APBA1: variants seen among roughly 807,000 people sequenced by gnomAD.
The protein encoded by APBA1 is amyloid beta precursor protein binding family A member 1.
A neutral mutation model predicts 86.6 loss-of-function variants in APBA1; 55 were observed. The observed-to-expected ratio is 0.64, with a 90% CI of 0.51 to 0.80. APBA1 has a LOEUF of 0.80. APBA1 is among the 30% of genes least tolerant of loss of function. APBA1 has a pLI of 0.00. For synonymous variants in APBA1, 511 were observed against 493.9 expected (o/e 1.03, Z -0.46); for missense variants, 1,090 against 1,183.0 (o/e 0.92, Z 1.15).
chr9:69,505,410 A>T (rs188908266), intron 2 of APBA1, among the ~76,000 whole-genome samples: 55 of 152,224 alleles, frequency 3.6e-4, no homozygotes, highest in Non-Finnish European at 6.6e-4. Flanking sequence ...TGAAAAAATA[A>T]GAGAACTGGA....
chr9:69,512,811 C>G (rs1012452882), intron 2 of APBA1, among the ~76,000 whole-genome samples: 1 of 152,070 alleles, frequency 6.6e-6, no homozygotes, highest in Non-Finnish European at 1.5e-5. Flanking sequence ...GGTTTGGAAA[C>G]GAAGGGCAGT....
chr9:69,506,173 G>A (rs1267117284), intron 2 of APBA1, among the ~76,000 whole-genome samples: 1 of 151,916 alleles, frequency 6.6e-6, no homozygotes, highest in East Asian at 1.9e-4. Flanking sequence ...CATCTCACTA[G>A]GGAGTGCCAG....
At chr9:69,440,667 C>T (rs546562595) in intron 11 of APBA1, among the ~76,000 whole-genome samples, 15 of 152,132 alleles carry the variant, frequency 9.9e-5, no homozygotes, top group Non-Finnish European at 1.9e-4. Context: ...CCCGATTTTC[C>T]AGGTGCTGTC....
At chr9:69,539,708 C>G (rs1003849134) in intron 1 of APBA1, among the ~76,000 whole-genome samples, 2 of 152,214 alleles carry the variant, frequency 1.3e-5, no homozygotes, top group Non-Finnish European at 2.9e-5. Flanking sequence ...AGCCTCCTTG[C>G]TACTCCATGA....
intron 4 of APBA1, among the ~76,000 whole-genome samples, chr9:69,468,585 G>C (rs1242472629): frequency 2.0e-5 from 3 of 152,236 alleles, no homozygotes; most frequent in Non-Finnish European, 4.4e-5. Context: ...CAAAGCCACA[G>C]TCCCATGCTG....
intron 1 of APBA1, among the ~76,000 whole-genome samples, chr9:69,646,469 A>G (rs1365792136): frequency 6.6e-6 from 1 of 152,036 alleles, no homozygotes; most frequent in African/African-American, 2.4e-5. Flanking sequence ...CTCAGAAGGG[A>G]TTTGCAGAGA....
intron 2 of APBA1, among the ~76,000 whole-genome samples, chr9:69,491,713 A>G (rs10867647): frequency 0.16 from 24,060 of 151,602 alleles, 2,685 homozygotes; most frequent in African/African-American, 0.29. Context: ...AGTATAGTGC[A>G]ATTCCAGGGA....
intron 1 of APBA1, among the ~76,000 whole-genome samples, chr9:69,657,195 A>G (rs1823630577): frequency 6.6e-6 from 1 of 152,268 alleles, no homozygotes; most frequent in South Asian, 2.1e-4. Context: ...CATGGGGAAG[A>G]GAAGACAAGT....
chr9:69,591,938 G>A (rs1160310087), intron 1 of APBA1, among the ~76,000 whole-genome samples: 1 of 152,134 alleles, frequency 6.6e-6, no homozygotes, highest in South Asian at 2.1e-4. Context: ...GGGAAAAAAA[G>A]TCTGTTTTCT....
chr9:69,543,375 G>A (rs902785493), intron 1 of APBA1, among the ~76,000 whole-genome samples: 6 of 151,856 alleles, frequency 4.0e-5, no homozygotes, highest in Admixed American at 2.0e-4. Context: ...AAGGAAACCT[G>A]GAAACCATTA....
chr9:69,574,596 G>C (rs1821741467), intron 1 of APBA1, among the ~76,000 whole-genome samples: 3 of 152,014 alleles, frequency 2.0e-5, no homozygotes, highest in African/African-American at 7.3e-5. Context: ...ACAGCATAAG[G>C]GTCCTCCTAA....
At chr9:69,646,236 G>A (rs1042636388) in intron 1 of APBA1, among the ~76,000 whole-genome samples, 6 of 152,134 alleles carry the variant, frequency 3.9e-5, no homozygotes, top group African/African-American at 1.4e-4. Context: ...AATGTTAACA[G>A]CCATTATCTT....
chr9:69,537,206 CTT>C (rs1243061543), intron 1 of APBA1, among the ~76,000 whole-genome samples: 1 of 151,918 alleles, frequency 6.6e-6, no homozygotes, highest in Non-Finnish European at 1.5e-5. Context: ...ACATTCCTCT[CTT>C]TCTTTCCCAA....
At chr9:69,672,938 C>T (rs1421415235), upstream of APBA1, 3 of 152,266 alleles carry the variant, frequency 2.0e-5, no homozygotes, top group Admixed American at 1.3e-4. Context: ...CGGAGTGACT[C>T]CCGAGCTTTC....
chr9:69,651,672 C>T (rs1031441358), intron 1 of APBA1, among the ~76,000 whole-genome samples: 3 of 152,156 alleles, frequency 2.0e-5, no homozygotes, highest in Admixed American at 6.5e-5. Context: ...GACGGGGTTT[C>T]GCCATGTTGG....
chr9:69,448,941 A>G (rs1469585054), intron 10 of APBA1, among the ~76,000 whole-genome samples: 1 of 152,200 alleles, frequency 6.6e-6, no homozygotes, highest in Non-Finnish European at 1.5e-5. Flanking sequence ...CTTCTCAAGT[A>G]TTCACATTTA....
intron 5 of APBA1, chr9:69,460,718 ATGAAAGGTATTC>A (rs1240038911): frequency 1.3e-5 from 2 of 150,904 alleles, no homozygotes; most frequent in African/African-American, 2.4e-5. Flanking sequence ...ACTGAGTTTC[ATGAAAGGTATTC>A]TGAAACTTTT....
rs869079668 is a variant in APBA1 at position 69,636,854 on chromosome 9, AGG to A, written c.-70+35297_-70+35298del. ...GAGGGAGGGAGGGAGGGAGGGAGGGAGGGAGGGAGGGAGAGAGAAAGAAAGAA... is the reference window on the plus strand; with the variant it reads ...GAGGGAGGGAGGGAGGGAGGGAGGGAGAGGGAGGGAGAGAGAAAGAAAGAA... On this transcript the variant is annotated intron_variant, in intron 1 of 12. Coordinates refer to ENST00000265381, the MANE Select transcript of APBA1 (RefSeq NM_001163.4). 8.5e-5 allele frequency among the ~76,000 whole-genome samples: 7 copies of A among 82,566 alleles called. 1 individual carries two copies. Among genetic ancestry groups the A allele is most frequent in the East Asian group, 3.7e-4 (1 of 2,670 alleles). 54.2% of individuals were successfully genotyped at this position (82,566 alleles called of 152,430 possible).
chr9:69,445,749 A>G (rs1834896326), intron 10 of APBA1, among the ~76,000 whole-genome samples: 1 of 152,218 alleles, frequency 6.6e-6, no homozygotes, highest in Admixed American at 6.5e-5. Context: ...GTCAATACCT[A>G]TAATTCTACT....
Sources: allele counts gnomAD v4.1 joint callset (sites outside exome capture counted in the v4.1 genomes callset), GRCh38; gene constraint gnomAD v4.1.1; transcripts MANE v1.5; gene names NCBI Gene and HGNC (gene_info 2026-07-23, HGNC 2026-07-21).